The following PM20D2 variants were observed in gnomAD, a reference collection of about 807,000 sequenced individuals.
The protein encoded by PM20D2 is peptidase M20 domain containing 2, also known as xaa-Arg dipeptidase.
A neutral mutation model predicts 42.9 loss-of-function variants in PM20D2; 33 were observed. The observed-to-expected ratio is 0.77, with a 90% CI of 0.58 to 1.03. The LOEUF is 1.03. Ranked by LOEUF, PM20D2 falls within the 50% of genes least tolerant of loss-of-function variation. The probability of loss-of-function intolerance (pLI) is 0.00; values close to 1 mark genes in which losing one functional copy is unlikely to be tolerated. For synonymous variants in PM20D2, 250 were observed against 228.2 expected, an observed-to-expected ratio of 1.10 and a Z score of -0.86; for missense variants, 548 against 557.0, an observed-to-expected ratio of 0.98 and a Z score of 0.16.
chr6:89,098,668 GGT>G, the PM20D2 span: 3 of 1,613,924 alleles, frequency 1.9e-6, no homozygotes, highest in Non-Finnish European at 1.7e-6. Context: ...TTTCAGAATT[GGT>G]ATACCCTTTG....
At chr6:89,107,111 C>T in the PM20D2 span, 18 of 1,500,536 alleles carry the variant, frequency 1.2e-5, no homozygotes, top group African/African-American at 2.3e-4. Context: ...TATAAGCACG[C>T]ATATACAGTA....
At chr6:89,123,446 C>G in the PM20D2 span, among the ~76,000 whole-genome samples, 4 of 152,148 alleles carry the variant, frequency 2.6e-5, no homozygotes, top group African/African-American at 9.7e-5. Flanking sequence ...GAGAGCCAGG[C>G]ACAGTTGCTC....
chr6:89,110,241 T>C, the PM20D2 span, among the ~76,000 whole-genome samples: 1 of 152,142 alleles, frequency 6.6e-6, no homozygotes, highest in African/African-American at 2.4e-5. Flanking sequence ...TTGGACAAAA[T>C]GCACAAAGCA....
At chr6:89,103,964 C>T in the PM20D2 span, among the ~76,000 whole-genome samples, 25,497 of 149,508 alleles carry the variant, frequency 0.17, 2,953 homozygotes, top group Non-Finnish European at 0.25. Context: ...TAGTCAACCA[C>T]CTTTCACAAG....
intron 4 of PM20D2, among the ~76,000 whole-genome samples, chr6:89,156,990 T>A (rs1040309980): frequency 2.6e-5 from 4 of 152,198 alleles, no homozygotes; most frequent in African/African-American, 7.2e-5. Flanking sequence ...GAAATACTTA[T>A]GGATGTGAAC....
At chr6:89,107,967 C>T in the PM20D2 span, among the ~76,000 whole-genome samples, 1 of 152,122 alleles carries the variant, frequency 6.6e-6, no homozygotes, top group Non-Finnish European at 1.5e-5. Context: ...TTTTGCTTCA[C>T]TTTAATTTCA....
chr6:89,118,396 C>T, the PM20D2 span, among the ~76,000 whole-genome samples: 1 of 152,244 alleles, frequency 6.6e-6, no homozygotes, highest in Non-Finnish European at 1.5e-5. Flanking sequence ...AGCGCATCGT[C>T]CTGAGCGCAG....
chr6:89,125,314 AC>A, the PM20D2 span, among the ~76,000 whole-genome samples: 1 of 152,114 alleles, frequency 6.6e-6, no homozygotes, highest in Non-Finnish European at 1.5e-5. Flanking sequence ...CTCCGTCTCT[AC>A]TAAAAATACA....
At chr6:89,152,412 C>CT (rs536616410) in intron 2 of PM20D2, among the ~76,000 whole-genome samples, 88 of 147,094 alleles carry the variant, frequency 6.0e-4, no homozygotes, top group African/African-American at 1.1e-3. Context: ...TTTCTCTAAT[C>CT]TTTTTTTTTT....
chr6:89,116,037 T>C, the PM20D2 span, among the ~76,000 whole-genome samples: 2 of 152,212 alleles, frequency 1.3e-5, no homozygotes, highest in Admixed American at 6.5e-5. Context: ...GTAAGATATA[T>C]CAACAATAAG....
intron 5 of PM20D2, among the ~76,000 whole-genome samples, chr6:89,159,640 A>G (rs1340791742): frequency 1.3e-5 from 2 of 152,210 alleles, no homozygotes; most frequent in East Asian, 1.9e-4. Context: ...AATACGGAAA[A>G]GAAAATAGTT....
chr6:89,127,358 G>T, the PM20D2 span, among the ~76,000 whole-genome samples: 2 of 147,256 alleles, frequency 1.4e-5, no homozygotes, highest in East Asian at 4.0e-4. Flanking sequence ...GAGACGGAGT[G>T]TCACTCTCTT....
At chr6:89,113,461 C>T in the PM20D2 span, among the ~76,000 whole-genome samples, 1 of 152,040 alleles carries the variant, frequency 6.6e-6, no homozygotes, top group Non-Finnish European at 1.5e-5. Context: ...CGTGAGCCAC[C>T]GCACCCAGCC....
upstream of PM20D2, among the ~76,000 whole-genome samples, chr6:89,141,864 G>T (rs568875729): frequency 6.6e-6 from 1 of 152,228 alleles, no homozygotes; most frequent in South Asian, 2.1e-4. Context: ...GAGTGCAGTG[G>T]TGCAATCATG....
At chr6:89,158,212 G>A in intron 4 of PM20D2, 113 bp from the exon 5 acceptor site, 1 of 915,626 alleles carries the variant, frequency 1.1e-6, no homozygotes, top group Non-Finnish European at 1.6e-6. Context: ...TATCTGGAAG[G>A]GAAAGTATCT....
chr6:89,138,025 G>A, the PM20D2 span, among the ~76,000 whole-genome samples: 1,212 of 148,226 alleles, frequency 8.2e-3, 15 homozygotes, highest in African/African-American at 0.029. Context: ...ACTAACCCTT[G>A]GTATTTAGTG....
At chr6:89,148,688 C>CA (rs1239694656) in intron 1 of PM20D2, 1 of 526,698 alleles carries the variant, frequency 1.9e-6, no homozygotes, top group East Asian at 1.5e-4. Context: ...AGTAAGGAAT[C>CA]AGAGTTTAGG....
chr6:89,102,774 CAG>C, the PM20D2 span, among the ~76,000 whole-genome samples: 1 of 152,092 alleles, frequency 6.6e-6, no homozygotes. Context: ...TGTTGTGAGA[CAG>C]AGTCTTCCTC....
chr6:89,130,063 T>C, the PM20D2 span, among the ~76,000 whole-genome samples: 1 of 135,458 alleles, frequency 7.4e-6, no homozygotes, highest in Admixed American at 7.5e-5. Flanking sequence ...AAAAAAAAAG[T>C]ATACAACACT....
Sources: allele counts gnomAD v4.1 joint callset (sites outside exome capture counted in the v4.1 genomes callset), GRCh38; gene constraint gnomAD v4.1.1; transcripts MANE v1.5; gene names NCBI Gene and HGNC (gene_info 2026-07-23, HGNC 2026-07-21).